CNTN3: variants seen among roughly 807,000 people sequenced by gnomAD.
CNTN3 encodes contactin-3.
CNTN3 carries 60 observed loss-of-function variants against 119.1 expected under a neutral mutation model. That is an observed-to-expected ratio of 0.50 (90% confidence interval 0.41 to 0.62). CNTN3 has a LOEUF of 0.62. Ranked by LOEUF, CNTN3 falls within the 20% of genes least tolerant of loss-of-function variation. CNTN3 has a pLI of 0.00. For missense variants in CNTN3, 1,101 were observed against 1,242.4 expected, an observed-to-expected ratio of 0.89 and a Z score of 1.71; for synonymous variants, 450 against 438.7, an observed-to-expected ratio of 1.03 and a Z score of -0.32.
intron 20 of CNTN3, among the ~76,000 whole-genome samples, chr3:74,282,934 T>C (rs966423632): frequency 1.3e-5 from 2 of 152,130 alleles, no homozygotes; most frequent in Non-Finnish European, 2.9e-5. Flanking sequence ...CTTAATAACA[T>C]CTACAGATCA....
chr3:74,546,763 T>G (rs961088535), intron 1 of CNTN3, among the ~76,000 whole-genome samples: 1 of 152,152 alleles, frequency 6.6e-6, no homozygotes, highest in South Asian at 2.1e-4. Context: ...AACAGCCTAT[T>G]GTGGGACTTC....
chr3:74,268,342 A>G (rs1289079449), intron 20 of CNTN3, among the ~76,000 whole-genome samples: 1 of 152,182 alleles, frequency 6.6e-6, no homozygotes, highest in African/African-American at 2.4e-5. Flanking sequence ...AATTGCCCTC[A>G]GTGTTATATT....
intron 13 of CNTN3, among the ~76,000 whole-genome samples, chr3:74,304,089 G>C (rs1198256673): frequency 6.6e-6 from 1 of 152,046 alleles, no homozygotes; most frequent in Non-Finnish European, 1.5e-5. Flanking sequence ...ATCTTCCATA[G>C]GGTAATTTCT....
intron 4 of CNTN3, among the ~76,000 whole-genome samples, chr3:74,475,094 T>C (rs940882415): frequency 1.3e-5 from 2 of 152,158 alleles, no homozygotes; most frequent in Admixed American, 6.5e-5. Flanking sequence ...TTTATAGCAA[T>C]GTGAGAACAG....
chr3:74,299,673 C>T (rs559231320), intron 17 of CNTN3, among the ~76,000 whole-genome samples, 195 bp downstream of exon 17: 3 of 152,244 alleles, frequency 2.0e-5, no homozygotes, highest in African/African-American at 7.2e-5. Flanking sequence ...ACTAGGGCTA[C>T]AACCACCACC....
intron 11 of CNTN3, among the ~76,000 whole-genome samples, chr3:74,350,082 T>C (rs779222713): frequency 2.5e-4 from 38 of 152,302 alleles, no homozygotes; most frequent in Admixed American, 9.2e-4. Context: ...AGCTGCAAAA[T>C]TTAGTTGATA....
At chr3:74,357,771 C>T (rs1350599580) in intron 11 of CNTN3, among the ~76,000 whole-genome samples, 5 of 151,986 alleles carry the variant, frequency 3.3e-5, no homozygotes, top group Admixed American at 1.3e-4. Flanking sequence ...CCAAATTAAC[C>T]ACTTAAAAAA....
chr3:74,474,618 CAA>C (rs1196425976), intron 4 of CNTN3, among the ~76,000 whole-genome samples: 3 of 152,056 alleles, frequency 2.0e-5, no homozygotes, highest in Non-Finnish European at 4.4e-5. Flanking sequence ...CTCAGCCTCC[CAA>C]GTAGCTGGGA....
chr3:74,470,796 A>G (rs1167312329), intron 4 of CNTN3, among the ~76,000 whole-genome samples: 4 of 152,156 alleles, frequency 2.6e-5, no homozygotes, highest in South Asian at 2.1e-4. Context: ...TGGTCTTCCA[A>G]TGTTGCTGTG....
intron 1 of CNTN3, among the ~76,000 whole-genome samples, chr3:74,532,773 T>G (rs1441292099): frequency 6.6e-6 from 1 of 152,008 alleles, no homozygotes; most frequent in African/African-American, 2.4e-5. Context: ...GGACTACAGC[T>G]GACGTTGGGT....
At chr3:74,507,626 CTTTTTTTTTTTT>C (rs59540461) in intron 2 of CNTN3, among the ~76,000 whole-genome samples, 2 of 103,650 alleles carry the variant, frequency 1.9e-5, no homozygotes, top group African/African-American at 4.0e-5. Context: ...TTCTTTCTTT[CTTTTTTTTTTTT>C]TTTTTTTTTT....
intron 11 of CNTN3, among the ~76,000 whole-genome samples, chr3:74,358,909 T>C (rs981581928): frequency 4.0e-5 from 6 of 151,868 alleles, no homozygotes; most frequent in Non-Finnish European, 8.8e-5. Context: ...TGATTTCCAA[T>C]TTCATCCATG....
intron 4 of CNTN3, among the ~76,000 whole-genome samples, chr3:74,477,474 A>G (rs1051333843): frequency 6.6e-6 from 1 of 152,170 alleles, no homozygotes; most frequent in Non-Finnish European, 1.5e-5. Flanking sequence ...CATCATGTTG[A>G]GTGAAGTAAG....
At chr3:74,575,606 A>AACACACACACACACACACACACAC (rs71129762) in intron 1 of CNTN3, among the ~76,000 whole-genome samples, 19 of 135,170 alleles carry the variant, frequency 1.4e-4, no homozygotes, top group East Asian at 4.4e-4. Context: ...AGTCTCTCCC[A>AACACACACACACACACACACACAC]ACACACACAC....
At chr3:74,587,253 T>C (rs1704609265) in intron 1 of CNTN3, among the ~76,000 whole-genome samples, 1 of 152,070 alleles carries the variant, frequency 6.6e-6, no homozygotes, top group African/African-American at 2.4e-5. Flanking sequence ...CTTATTTGTT[T>C]ACAAATGTCA....
chr3:74,485,831 C>T (rs1173574914), intron 4 of CNTN3, among the ~76,000 whole-genome samples: 1 of 152,060 alleles, frequency 6.6e-6, no homozygotes, highest in East Asian at 1.9e-4. Flanking sequence ...ATGTGACTTT[C>T]TCAGGTTGGG....
chr3:74,381,055 T>G (rs946979376), intron 5 of CNTN3, among the ~76,000 whole-genome samples: 8 of 149,818 alleles, frequency 5.3e-5, no homozygotes, highest in African/African-American at 2.0e-4. Context: ...GAGAAATTGT[T>G]TTTTTTTTTC....
chr3:74,370,521 T>G (rs1020015013), intron 6 of CNTN3, among the ~76,000 whole-genome samples: 1 of 152,116 alleles, frequency 6.6e-6, no homozygotes, highest in Non-Finnish European at 1.5e-5. Flanking sequence ...ATACCAATCT[T>G]AAACTTATTA....
chr3:74,496,957 A>C lies in CNTN3; in HGVS notation c.182+2702T>G, dbSNP rs1387264987. Among the ~76,000 whole-genome samples the C allele has an allele frequency of 1.3e-5, 2 of 151,992 alleles. 1 individual carries two copies. Among genetic ancestry groups the C allele is most frequent in the South Asian group, 4.1e-4 (2 of 4,834 alleles). On this transcript the variant is annotated intron_variant, in intron 3 of 22. Transcript: ENST00000263665. ...TTCAGACAAGTTGGCATCAGTCTAT[A>C]AGGCAGGATTTGGTCTTTCAAAGGA... is the stretch of plus-strand genomic sequence containing the variant.
Sources: gnomAD v4.1 joint callset for allele counts (sites outside exome capture counted in the v4.1 genomes callset) on GRCh38, gnomAD v4.1.1 for gene constraint, MANE v1.5 for transcripts, NCBI Gene and HGNC (gene_info 2026-07-23, HGNC 2026-07-21) for gene names.